Variants in BMPER observed in about 807,000 individuals in gnomAD.
BMPER encodes the protein BMP binding endothelial regulator, also known as BMP-binding endothelial regulator protein.
In BMPER, 45 loss-of-function variants were observed where a neutral mutation model predicts 87.3. That is an observed-to-expected ratio of 0.52 (90% CI 0.41 to 0.66). BMPER has a LOEUF of 0.66. Ranked by LOEUF, BMPER falls within the 30% of genes least tolerant of loss-of-function variation. The probability of loss-of-function intolerance (pLI) is 0.00; values close to 1 mark genes in which losing one functional copy is unlikely to be tolerated. For synonymous variants in BMPER, 326 were observed against 316.2 expected, an observed-to-expected ratio of 1.03 and a Z score of -0.33; for missense variants, 784 against 867.5, an observed-to-expected ratio of 0.90 and a Z score of 1.21.
At chr7:33,944,679 C>T (rs181856857) in intron 3 of BMPER, among the ~76,000 whole-genome samples, 5 of 152,260 alleles carry the variant, frequency 3.3e-5, no homozygotes, top group Admixed American at 6.5e-5. Flanking sequence ...TAAAATTCCT[C>T]ATATTCTATA....
At chr7:33,919,021 A>C (rs1479804349) in intron 2 of BMPER, among the ~76,000 whole-genome samples, 1 of 152,082 alleles carries the variant, frequency 6.6e-6, no homozygotes. Context: ...CATGTACCAG[A>C]TGGTGTTGCT....
chr7:34,085,067 G>A (rs1166052516), intron 12 of BMPER, among the ~76,000 whole-genome samples: 1 of 152,158 alleles, frequency 6.6e-6, no homozygotes, highest in Non-Finnish European at 1.5e-5. Context: ...AGCAAACCCA[G>A]AACGGAGGCC....
At chr7:33,962,753 A>G (rs1785302003) in intron 3 of BMPER, among the ~76,000 whole-genome samples, 1 of 152,144 alleles carries the variant, frequency 6.6e-6, no homozygotes, top group Admixed American at 6.5e-5. Flanking sequence ...GCTTTTTGTC[A>G]CTAGAAGAAA....
intron 6 of BMPER, among the ~76,000 whole-genome samples, chr7:34,026,364 C>T (rs373145946): frequency 3.4e-4 from 52 of 152,152 alleles, no homozygotes; most frequent in East Asian, 2.5e-3. Flanking sequence ...ATTTCCTCTT[C>T]GTGGATCAAC....
At chr7:33,952,917 G>A (rs1266126695) in intron 3 of BMPER, among the ~76,000 whole-genome samples, 1 of 152,170 alleles carries the variant, frequency 6.6e-6, no homozygotes, top group Admixed American at 6.5e-5. Flanking sequence ...ATGTACATTG[G>A]TATGTTCATG....
rs116803564 is a variant in BMPER, at chr7:33,987,994, G to A, written c.576+13210G>A. ...AAAAGCAGTTACTCATTATGAAGGA[G>A]TATCTTTTGGTCATATTTTAAGAAC... On this transcript the variant is annotated intron_variant, in intron 6 of 14. Transcript: ENST00000649409. Among the ~76,000 whole-genome samples the A allele has an allele frequency of 3.2e-3, 481 of 152,220 alleles. 3 individuals are homozygous for A. Among genetic ancestry groups the A allele is most frequent in the African/African-American group, 0.011 (458 of 41,532 alleles).
Position 34,060,181 on chromosome 7 carries a change from C to T in BMPER, c.1033-1821C>T, listed in dbSNP as rs191615782. ...CTTTACAGCTTGTACCTGATTTATT[C>T]CCCCATCTAATTTAGTGATATCATC... On this transcript the variant is annotated intron_variant, in intron 10 of 14. Transcript: ENST00000649409. 9.2e-5 allele frequency among the ~76,000 whole-genome samples: 14 copies of T among 152,074 alleles called. No individual in the cohort carries two copies. The East Asian group carries it at 1.2e-3, about 13-fold the overall frequency.
intron 13 of BMPER, among the ~76,000 whole-genome samples, chr7:34,119,014 T>TCACACACACACACA (rs138792693): frequency 0.17 from 23,447 of 135,652 alleles, 2,534 homozygotes; most frequent in Admixed American, 0.25. Context: ...TCTCTCTCTC[T>TCACACACACACACA]CACACACACA....
At chr7:34,112,401 C>T (rs1789992407) in intron 13 of BMPER, among the ~76,000 whole-genome samples, 1 of 143,434 alleles carries the variant, frequency 7.0e-6, no homozygotes, top group Non-Finnish European at 1.5e-5. Flanking sequence ...GAGGCTGAGG[C>T]AGGAGAACGG....
At chr7:34,052,998 C>A (rs1433261444) in intron 8 of BMPER, among the ~76,000 whole-genome samples, 4 of 152,170 alleles carry the variant, frequency 2.6e-5, no homozygotes, top group African/African-American at 9.6e-5. Context: ...TTTTCCTCTC[C>A]ACTAAGAATT....
At chr7:33,937,520 G>GTGTGTGTGTGTGTT (rs1784635809) in intron 3 of BMPER, 132 bp downstream of exon 3, 2 of 759,952 alleles carry the variant, frequency 2.6e-6, no homozygotes, top group East Asian at 5.4e-5. Flanking sequence ...TAGGGTGTGT[G>GTGTGTGTGTGTGTT]TGTGTGTGTG....
intron 13 of BMPER, among the ~76,000 whole-genome samples, chr7:34,115,923 G>A (rs1331789565): frequency 1.3e-5 from 2 of 152,190 alleles, no homozygotes; most frequent in African/African-American, 4.8e-5. Flanking sequence ...GTTTTCCAAA[G>A]TGGCTGCTCT....
rs533119888 is a variant in BMPER, at chr7:34,085,645, C to G, written c.1409-111C>G. ...CAAGAATTTGGACCAACCCTTGGTG[C>G]TCCTTATTGGAGGACAGTCAGTCAT... On this transcript the variant is annotated intron_variant, in intron 12 of 14. Transcript: ENST00000649409. The G allele has an allele frequency of 2.9e-6, 3 of 1,037,810 alleles. No homozygotes were observed. The South Asian group carries it at 4.1e-5, about 14-fold the overall frequency. The allele number at this position is 1,037,810 out of a possible 1,614,324, so 64.3% of individuals were successfully genotyped here.
At chr7:34,002,570 T>C (rs997324455) in intron 6 of BMPER, among the ~76,000 whole-genome samples, 3 of 151,880 alleles carry the variant, frequency 2.0e-5, no homozygotes, top group Non-Finnish European at 4.4e-5. Context: ...AAGTCTTCTA[T>C]TTCCTTGTTA....
At chr7:34,116,926 G>T (rs1419532625) in intron 13 of BMPER, among the ~76,000 whole-genome samples, 2 of 152,000 alleles carry the variant, frequency 1.3e-5, no homozygotes, top group African/African-American at 2.4e-5. Flanking sequence ...GGAGACAGAT[G>T]TGCAGTGATC....
chr7:33,929,770 T>C (rs577347919), intron 2 of BMPER, among the ~76,000 whole-genome samples: 366 of 152,344 alleles, frequency 2.4e-3, no homozygotes, highest in Non-Finnish European at 4.1e-3. Context: ...AGTGCCTTCT[T>C]CAGGCTTGTT....
chr7:33,964,637 A>G (rs2128617271), intron 3 of BMPER, among the ~76,000 whole-genome samples: 1 of 152,320 alleles, frequency 6.6e-6, no homozygotes, highest in Admixed American at 6.5e-5. Flanking sequence ...GGAATAATCC[A>G]GACAGCCTGG....
chr7:33,995,058 T>C (rs1251784642), intron 6 of BMPER, among the ~76,000 whole-genome samples: 1 of 152,188 alleles, frequency 6.6e-6, no homozygotes, highest in African/African-American at 2.4e-5. Context: ...ACTGTAAAAT[T>C]TACTCTTTTT....
At chr7:34,073,551 C>T (rs1788789174) in intron 11 of BMPER, among the ~76,000 whole-genome samples, 1 of 152,154 alleles carries the variant, frequency 6.6e-6, no homozygotes, top group Non-Finnish European at 1.5e-5. Flanking sequence ...ACCTGTAGAC[C>T]CTTCTGTATA....
Sources: allele counts gnomAD v4.1 joint callset (sites outside exome capture counted in the v4.1 genomes callset), GRCh38; gene constraint gnomAD v4.1.1; transcripts MANE v1.5; gene names NCBI Gene and HGNC (gene_info 2026-07-23, HGNC 2026-07-21).